ADGRD1: variants seen among roughly 807,000 people sequenced by gnomAD.
ADGRD1 encodes the protein G-protein coupled receptor 133.
In ADGRD1, 77 loss-of-function variants were observed where a neutral mutation model predicts 113.4. That is an observed-to-expected ratio of 0.68 (90% confidence interval 0.57 to 0.82). The LOEUF is 0.82. Among genes scored for constraint, ADGRD1 ranks in the 40% least tolerant of loss-of-function variants. The probability of loss-of-function intolerance (pLI) is 0.00; values close to 1 mark genes in which losing one functional copy is unlikely to be tolerated. For missense variants in ADGRD1, 1,036 were observed against 1,139.1 expected (o/e 0.91, Z 1.30); for synonymous variants, 474 against 475.0 (o/e 1.00, Z 0.03).
At chr12:131,009,479 C>T (rs1004495167) in intron 12 of ADGRD1, among the ~76,000 whole-genome samples, 3 of 152,152 alleles carry the variant, frequency 2.0e-5, no homozygotes, top group African/African-American at 7.2e-5. Context: ...ATTAGAGCAT[C>T]TTGTAGGGTC....
chr12:131,084,551 G>A lies in ADGRD1; in HGVS notation c.1559G>A (p.Gly520Glu), dbSNP rs770435744. ...TCCTGTGTCCTCAGCTCCGGAGAAGGGGTCTGGTCGAACCACGGCTGTGCG... is the reference window on the plus strand; with the variant it reads ...TCCTGTGTCCTCAGCTCCGGAGAAGAGGTCTGGTCGAACCACGGCTGTGCG... ...CAFLDFSSGEGVWSNHGCALT... is the reference protein window; with the variant it reads ...CAFLDFSSGEEVWSNHGCALT... Residue 520 changes from glycine (G) to glutamate (E), a missense_variant, in exon 15 of 25, where the codon GGG becomes GAG. Gly to Glu is a moderately conservative substitution (Grantham distance 98, BLOSUM62 -2). Coordinates refer to ENST00000261654, the MANE Select transcript of ADGRD1 (RefSeq NM_198827.5). The surrounding 1 kb of genome is among the most constrained non-coding windows in gnomAD (Gnocchi z 4.5). 4 of 1,614,000 alleles carry A rather than the reference G, an allele frequency of 2.5e-6. No homozygotes were observed. The highest frequency in any genetic ancestry group is 3.4e-6 in the Non-Finnish European group (4 of 1,180,028).
At chr12:131,033,255 G>T (rs1336606755) in intron 13 of ADGRD1, among the ~76,000 whole-genome samples, 6 of 151,854 alleles carry the variant, frequency 4.0e-5, no homozygotes, top group Non-Finnish European at 7.4e-5. Flanking sequence ...TTTTTGTGTG[G>T]CAGGGGCTGG....
At position 131,029,858 on chromosome 12, in the gene ADGRD1, C is replaced by T. The variant is rs770055271; in HGVS notation, c.1473+15518C>T. Among the ~76,000 whole-genome samples the T allele has an allele frequency of 2.1e-4, 20 of 96,136 alleles. 4 individuals are homozygous for T. Among genetic ancestry groups the T allele is most frequent in the African/African-American group, 8.8e-4 (18 of 20,420 alleles). 63.1% of individuals were successfully genotyped at this position (96,136 alleles called of 152,430 possible). On this transcript the variant is annotated intron_variant, in intron 13 of 24. Coordinates refer to ENST00000261654, the MANE Select transcript of ADGRD1 (RefSeq NM_198827.5). ...GGGATTAGGTTGCGGACCCCTCGTT[C>T]GGTGACATTCCCAGGCTCTGGGATT...
At chr12:130,956,050 A>G (rs1208266338) in intron 2 of ADGRD1, among the ~76,000 whole-genome samples, 1 of 152,172 alleles carries the variant, frequency 6.6e-6, no homozygotes, top group African/African-American at 2.4e-5. Flanking sequence ...CGGCCTCCCA[A>G]AGTGTTGGGA....
chr12:130,991,320 G>A (rs943741547), intron 7 of ADGRD1, among the ~76,000 whole-genome samples: 19 of 152,222 alleles, frequency 1.2e-4, no homozygotes, highest in Middle Eastern at 3.4e-3. Flanking sequence ...AGGAAATACC[G>A]GGCTCATTCA....
At chr12:131,013,924 C>T (rs1339436642) in intron 12 of ADGRD1, among the ~76,000 whole-genome samples, 1 of 152,244 alleles carries the variant, frequency 6.6e-6, no homozygotes, top group Non-Finnish European at 1.5e-5. Flanking sequence ...TGTCTCACCT[C>T]TTGGTCCTGG....
chr12:131,028,555 C>T (rs1382020715), intron 13 of ADGRD1, among the ~76,000 whole-genome samples: 1 of 152,176 alleles, frequency 6.6e-6, no homozygotes. Context: ...TTACCTGGAA[C>T]ATTTGTTGTT....
Position 131,107,845 on chromosome 12 carries a change from G to A in ADGRD1, c.1888-879G>A, listed in dbSNP as rs1181840375. Among the ~76,000 whole-genome samples, 95 of 152,204 alleles carry A rather than the reference G, an allele frequency of 6.2e-4. 1 individual carries two copies. Among genetic ancestry groups the A allele is most frequent in the Admixed American group, 6.2e-3 (95 of 15,286 alleles). On this transcript the variant is annotated intron_variant, in intron 17 of 24. Transcript: ENST00000261654. The stretch of plus-strand genomic sequence containing the variant: ...TACATTTCTTCTCTGAGAACTAACT[G>A]CCTTGGGCGTATCTGAAGGACAGAA...
At position 131,041,752 on chromosome 12, in the gene ADGRD1, C is replaced by G. The variant is rs1005811769; in HGVS notation, c.1473+27412C>G. Among the ~76,000 whole-genome samples the G allele has an allele frequency of 1.8e-4, 27 of 152,306 alleles. No homozygotes were observed. Among genetic ancestry groups the G allele is most frequent in the African/African-American group, 6.5e-4 (27 of 41,566 alleles). ...ACACTGCACGCTGTTGCCGCAGCCT[C>G]CCCCTGCCTGGCGCCTCTGCCTGCA... On this transcript the variant is annotated intron_variant, in intron 13 of 24. Transcript: ENST00000261654. The surrounding 1 kb of genome is among the most constrained non-coding windows in gnomAD (Gnocchi z 4.4).
intron 24 of ADGRD1, 56 bp downstream of exon 24, chr12:131,138,285 G>C: frequency 1.3e-6 from 2 of 1,485,526 alleles, no homozygotes; most frequent in Non-Finnish European, 1.9e-6. Flanking sequence ...CCCCAGGCTC[G>C]GTTGTCAGCA....
intron 14 of ADGRD1, among the ~76,000 whole-genome samples, chr12:131,078,416 A>C (rs1203743955): frequency 1.3e-5 from 2 of 152,118 alleles, no homozygotes; most frequent in Non-Finnish European, 2.9e-5. Flanking sequence ...AATTTCAGTG[A>C]TTTTGCCCTG....
At chr12:130,957,101 C>T (rs1459986463) in intron 2 of ADGRD1, 1 of 152,346 alleles carries the variant, frequency 6.6e-6, no homozygotes, top group Non-Finnish European at 1.5e-5. Flanking sequence ...TGTGTAGACA[C>T]ACATGCACAT....
At chr12:131,055,785 AT>A (rs1186405752) in intron 13 of ADGRD1, among the ~76,000 whole-genome samples, 1 of 152,208 alleles carries the variant, frequency 6.6e-6, no homozygotes, top group Non-Finnish European at 1.5e-5. Context: ...CACAGAGCAT[AT>A]CTCTCCTTAG....
At chr12:131,009,367 GGTTC>G (rs1396214899) in intron 12 of ADGRD1, among the ~76,000 whole-genome samples, 1 of 152,242 alleles carries the variant, frequency 6.6e-6, no homozygotes, top group African/African-American at 2.4e-5. Flanking sequence ...AGACTAAAGA[GGTTC>G]GTGCCTGAGC....
chr12:131,037,398 CCA>C (rs1881615143), intron 13 of ADGRD1, among the ~76,000 whole-genome samples: 1 of 107,276 alleles, frequency 9.3e-6, no homozygotes, highest in Non-Finnish European at 2.0e-5. Context: ...ACTCACTACA[CCA>C]GGTCTCAGTC....
In ADGRD1 at chr12:131,117,822, G is replaced by A. The variant is rs530197262; in HGVS notation, c.2042-563G>A. ...CATGTCCGATGTCCCCTCAGTCCCA[G>A]CTGATCTCACACCTTTCCACCGCCG... On this transcript the variant is annotated intron_variant, in intron 18 of 24. Coordinates refer to ENST00000261654, the MANE Select transcript of ADGRD1 (RefSeq NM_198827.5). 3.3e-5 allele frequency among the ~76,000 whole-genome samples: 5 copies of A among 152,326 alleles called. No homozygotes were observed. In the South Asian group the frequency reaches 1.0e-3, roughly 32 times the overall value.
chr12:131,118,967 C>A (rs1950527402), intron 19 of ADGRD1, among the ~76,000 whole-genome samples: 1 of 152,270 alleles, frequency 6.6e-6, no homozygotes, highest in Middle Eastern at 3.4e-3. Context: ...TGTCCAGTAT[C>A]TCCTGTTGCC....
chr12:131,043,864 C>T (rs1882397318), intron 13 of ADGRD1, among the ~76,000 whole-genome samples: 1 of 152,194 alleles, frequency 6.6e-6, no homozygotes, highest in Non-Finnish European at 1.5e-5. Flanking sequence ...GTGGGTGGGA[C>T]TGAAACCCAC....
chr12:131,088,513 T>C (rs1225370101), intron 15 of ADGRD1, among the ~76,000 whole-genome samples: 1 of 152,134 alleles, frequency 6.6e-6, no homozygotes, highest in Admixed American at 6.5e-5. Context: ...ATTTTACATC[T>C]CAGGGTGGAG....
Sources: gnomAD v4.1 joint callset for allele counts (sites outside exome capture counted in the v4.1 genomes callset) on GRCh38, gnomAD v4.1.1 for gene constraint, Gnocchi (gnomAD v3.1) non-coding constraint, MANE v1.5 for transcripts, NCBI Gene and HGNC (gene_info 2026-07-23, HGNC 2026-07-21) for gene names.